The following DOCK8 variants were observed in gnomAD, a reference collection of about 807,000 sequenced individuals.
The protein encoded by DOCK8 is dedicator of cytokinesis 8.
In DOCK8, 141 loss-of-function variants were observed where a neutral mutation model predicts 245.6. The observed-to-expected ratio is 0.57, with a 90% confidence interval of 0.50 to 0.66. The LOEUF is 0.66. DOCK8 is among the 30% of genes least tolerant of loss of function. The pLI is 0.00. For synonymous variants in DOCK8, 1,168 were observed against 970.2 expected (o/e 1.20, Z -3.79); for missense variants, 2,965 against 2,603.4 (o/e 1.14, Z -3.02).
intron 26 of DOCK8, 138 bp downstream of exon 26, chr9:399,397 C>T (rs760653867): frequency 3.6e-5 from 26 of 715,054 alleles, no homozygotes; most frequent in Admixed American, 1.0e-4. Context: ...TTTTGCAGCA[C>T]GTCCCTCATG....
At chr9:353,178 A>C (rs2052259069) in intron 14 of DOCK8, among the ~76,000 whole-genome samples, 2 of 152,180 alleles carry the variant, frequency 1.3e-5, no homozygotes, top group South Asian at 4.1e-4. Context: ...TTTGTCCTGC[A>C]ACCACCTTGA....
At position 226,490 on chromosome 9, in the gene DOCK8, A is replaced by G. The variant is rs74933526; in HGVS notation, c.53+11461A>G. ...GAAGCAAGGAAACCAGCTGGGAGGC[A>G]GTGGAGAATCCAGGGGAAAGATGAC... On this transcript the variant is annotated intron_variant, in intron 1 of 47. Coordinates refer to ENST00000432829, the MANE Select transcript of DOCK8 (RefSeq NM_203447.4). Among the ~76,000 whole-genome samples the G allele has an allele frequency of 1.2e-4, 19 of 152,330 alleles. 1 individual carries two copies. In the East Asian group the frequency reaches 3.7e-3, roughly 29 times the overall value.
At chr9:264,899 C>T (rs1011567257) in intron 1 of DOCK8, among the ~76,000 whole-genome samples, 2 of 152,136 alleles carry the variant, frequency 1.3e-5, no homozygotes, top group African/African-American at 2.4e-5. Context: ...GTCAGTTTTT[C>T]TACATGCAAC....
intron 22 of DOCK8, among the ~76,000 whole-genome samples, chr9:385,871 G>A (rs564260811): frequency 1.1e-4 from 16 of 152,072 alleles, no homozygotes; most frequent in African/African-American, 3.4e-4. Flanking sequence ...AGCAATTTTC[G>A]AATTATTTTG....
intron 24 of DOCK8, 74 bp downstream of exon 24, chr9:390,640 T>C (rs1315653241): frequency 7.0e-7 from 1 of 1,438,820 alleles, no homozygotes; most frequent in Non-Finnish European, 9.8e-7. Context: ...ATTGACATTT[T>C]GTTCACTGAG....
rs540043085 is a variant in DOCK8 at position 329,838 on chromosome 9, C to A, written c.1044+1667C>A. Among the ~76,000 whole-genome samples, 4 of 152,208 alleles carry A rather than the reference C, an allele frequency of 2.6e-5. No individual in the cohort carries two copies. The South Asian group carries it at 6.2e-4, about 24-fold the overall frequency. On this transcript the variant is annotated intron_variant, in intron 9 of 47. Transcript: ENST00000432829. The stretch of plus-strand genomic sequence containing the variant: ...CTTACTAAATATGTTCCAAAATTTT[C>A]AAATGTATAAATGTGTTCATTTGGC...
chr9:298,173 G>T (rs966193203), intron 4 of DOCK8, among the ~76,000 whole-genome samples: 1 of 152,076 alleles, frequency 6.6e-6, no homozygotes, highest in Non-Finnish European at 1.5e-5. Context: ...GCCTGTAATC[G>T]CAGCACTTTG....
intron 18 of DOCK8, among the ~76,000 whole-genome samples, 180 bp from the exon 19 acceptor site, chr9:376,030 T>C (rs575681762): frequency 6.6e-6 from 1 of 152,190 alleles, no homozygotes; most frequent in South Asian, 2.1e-4. Context: ...TATTAACTAG[T>C]TTGGTGTAGA....
intron 1 of DOCK8, chr9:215,327 A>G: frequency 6.2e-7 from 1 of 1,603,032 alleles, no homozygotes; most frequent in Admixed American, 1.7e-5. Flanking sequence ...AGGTTCTTAC[A>G]GGTGGCCGGG....
In DOCK8 at chr9:464,987, T is replaced by C. The variant is rs1023245444; in HGVS notation, c.*768T>C. ...CGATAATGCTTTGCTTTTTTTCTTA[T>C]GTCACTCTTGTGTACTATCTATTTT... is the stretch of plus-strand genomic sequence containing the variant. On this transcript the variant is annotated 3_prime_UTR_variant, in exon 48 of 48. Transcript: ENST00000432829. The C allele has an allele frequency of 6.5e-6, 1 of 152,966 alleles. No homozygotes were observed. Among genetic ancestry groups the C allele is most frequent in the Non-Finnish European group, 1.5e-5 (1 of 68,518 alleles). The allele number at this position is 152,966 out of a possible 1,614,324, so 9.5% of individuals were successfully genotyped here.
intron 28 of DOCK8, among the ~76,000 whole-genome samples, chr9:411,046 A>G (rs542381917): frequency 6.6e-6 from 1 of 152,346 alleles, no homozygotes; most frequent in East Asian, 1.9e-4. Context: ...GAAAATCCAA[A>G]TAGACCTACA....
At chr9:246,588 G>T (rs190349598) in intron 1 of DOCK8, among the ~76,000 whole-genome samples, 1 of 152,202 alleles carries the variant, frequency 6.6e-6, no homozygotes, top group East Asian at 1.9e-4. Flanking sequence ...GAGAGGTGAT[G>T]AAAGGGAATG....
intron 1 of DOCK8, among the ~76,000 whole-genome samples, chr9:232,833 T>G (rs1067299): frequency 0.35 from 52,801 of 152,024 alleles, 10,762 homozygotes; most frequent in East Asian, 0.76. Context: ...TTTGTTGATC[T>G]TTTCAAAAAA....
At chr9:305,515 G>A (rs965551499) in intron 5 of DOCK8, among the ~76,000 whole-genome samples, 2 of 152,154 alleles carry the variant, frequency 1.3e-5, no homozygotes, top group Non-Finnish European at 2.9e-5. Flanking sequence ...CTGATCTCCT[G>A]ACCTTGTGAT....
chr9:322,943 A>G (rs2050585162), intron 7 of DOCK8, among the ~76,000 whole-genome samples: 2 of 151,970 alleles, frequency 1.3e-5, no homozygotes, highest in Admixed American at 1.3e-4. Context: ...ATATACAAAA[A>G]TTAGCTGGGT....
intron 37 of DOCK8, among the ~76,000 whole-genome samples, chr9:433,033 T>C (rs1383626170): frequency 3.9e-5 from 6 of 152,260 alleles, no homozygotes; most frequent in Non-Finnish European, 8.8e-5. Context: ...TCCCTTAGTC[T>C]GAGAACCCTA....
chr9:308,582 T>C (rs561445703), intron 5 of DOCK8, among the ~76,000 whole-genome samples: 1 of 152,364 alleles, frequency 6.6e-6, no homozygotes, highest in African/African-American at 2.4e-5. Context: ...AATTAGATTA[T>C]ATTATGCATA....
At position 247,824 on chromosome 9, in the gene DOCK8, G is replaced by C. The variant is rs1037269798; in HGVS notation, c.54-23803G>C. ...AGTGCTGGGATTATGGCAGAGAAAT[G>C]TTTGTTTCAAAAGTGTGTTAGTCTC... On this transcript the variant is annotated intron_variant, in intron 1 of 47. Coordinates refer to ENST00000432829, the MANE Select transcript of DOCK8 (RefSeq NM_203447.4). Among the ~76,000 whole-genome samples the C allele has an allele frequency of 9.2e-5, 14 of 152,066 alleles. 1 individual carries two copies. The highest frequency in any genetic ancestry group is 2.6e-4 in the Admixed American group (4 of 15,262).
chr9:392,312 C>G (rs189899813), intron 24 of DOCK8, among the ~76,000 whole-genome samples: 2 of 152,166 alleles, frequency 1.3e-5, no homozygotes, highest in Admixed American at 1.3e-4. Context: ...AAATAGGAAG[C>G]AATGTGGAAT....
Sources: allele counts gnomAD v4.1 joint callset (sites outside exome capture counted in the v4.1 genomes callset), GRCh38; gene constraint gnomAD v4.1.1; transcripts MANE v1.5; gene names NCBI Gene and HGNC (gene_info 2026-07-23, HGNC 2026-07-21).